TRIO: variants seen among roughly 807,000 people sequenced by gnomAD.
TRIO encodes triple functional domain protein.
TRIO carries 58 observed loss-of-function variants against 351.9 expected under a neutral mutation model. The observed-to-expected ratio is 0.16, with a 90% CI of 0.13 to 0.21. TRIO has a LOEUF of 0.21. TRIO is among the 10% of genes least tolerant of loss of function. The probability of loss-of-function intolerance (pLI) is 1.00; values close to 1 mark genes in which losing one functional copy is unlikely to be tolerated. For missense variants in TRIO, 3,201 were observed against 4,027.8 expected, an observed-to-expected ratio of 0.79 and a Z score of 5.56; for synonymous variants, 1,758 against 1,595.7, an observed-to-expected ratio of 1.10 and a Z score of -2.42.
intron 6 of TRIO, among the ~76,000 whole-genome samples, chr5:14,296,315 C>T (rs62346588): frequency 0.056 from 8,504 of 152,182 alleles, 271 homozygotes; most frequent in African/African-American, 0.08. Flanking sequence ...GTCTGAATCC[C>T]GCACCACACC....
At chr5:14,199,494 C>T (rs1790977683) in intron 1 of TRIO, among the ~76,000 whole-genome samples, 1 of 152,166 alleles carries the variant, frequency 6.6e-6, no homozygotes, top group Non-Finnish European at 1.5e-5. Flanking sequence ...GATGTGCTGC[C>T]TTCAAACAGT....
intron 2 of TRIO, among the ~76,000 whole-genome samples, chr5:14,279,310 T>A (rs1735791768): frequency 6.6e-6 from 1 of 152,232 alleles, no homozygotes; most frequent in Non-Finnish European, 1.5e-5. Context: ...TACCATCATC[T>A]TCTGCTGTAT....
In TRIO at chr5:14,482,762, A is replaced by T; in HGVS notation, c.6646A>T (p.Asn2216Tyr). ...CTCCATGCCGGGATTCCTGTTTAAG[A>T]ACAGTATCAAGGTAACGTGTGTCTC... ...GFSMPGFLFK[N>Y]SIKVSCLCLE... Residue 2216 changes from asparagine (N) to tyrosine (Y), a missense_variant, in exon 46 of 57, where the codon AAC (asparagine) becomes TAC (tyrosine). Physicochemically the swap from Asn to Tyr is moderately radical, Grantham distance 143 (BLOSUM62 -2). Around this residue, in one of 19 missense-constraint regions of TRIO, gnomAD observed 1,089 missense variants for 954.9 expected, o/e 1.14. Transcript: ENST00000344204. 6.3e-7 allele frequency: 1 copy of T among 1,599,464 alleles called. No individual in the cohort carries two copies. The highest frequency in any genetic ancestry group is 8.5e-7 in the Non-Finnish European group (1 of 1,171,204).
intron 1 of TRIO, among the ~76,000 whole-genome samples, chr5:14,213,371 A>G (rs1180306740): frequency 6.7e-6 from 1 of 149,590 alleles, no homozygotes; most frequent in Non-Finnish European, 1.5e-5. Context: ...TTTATAATAT[A>G]TGCACTATAT....
At chr5:14,489,231 T>G in intron 48 of TRIO, 1 of 549,286 alleles carries the variant, frequency 1.8e-6, no homozygotes, top group Non-Finnish European at 3.2e-6. Context: ...CTTAATTGGT[T>G]TGACTTGGTC....
At chr5:14,380,630 G>T (rs1247627972) in intron 20 of TRIO, among the ~76,000 whole-genome samples, 1 of 152,014 alleles carries the variant, frequency 6.6e-6, no homozygotes, top group Non-Finnish European at 1.5e-5. Context: ...TTTTTTGTGG[G>T]AGTGTAAATT....
At chr5:14,504,658 TC>T in intron 55 of TRIO, 65 bp downstream of exon 55, 1 of 1,548,334 alleles carries the variant, frequency 6.5e-7, no homozygotes, top group South Asian at 1.2e-5. Flanking sequence ...GTTTTGTTGT[TC>T]CTGTTTGTTC....
chr5:14,485,799 A>G (rs1222636753), intron 47 of TRIO, among the ~76,000 whole-genome samples: 1 of 152,182 alleles, frequency 6.6e-6, no homozygotes, highest in African/African-American at 2.4e-5. Flanking sequence ...CAGCCTGACC[A>G]ACATGGAGAA....
At chr5:14,319,983 C>G (rs58383010) in intron 9 of TRIO, among the ~76,000 whole-genome samples, 22,358 of 152,110 alleles carry the variant, frequency 0.15, 3,448 homozygotes, top group African/African-American at 0.4. Context: ...AGCACACTTA[C>G]CGTGCTTCCA....
At chr5:14,476,776 A>T in intron 40 of TRIO, 118 bp from the exon 41 acceptor site, 1 of 807,160 alleles carries the variant, frequency 1.2e-6, no homozygotes, top group Non-Finnish European at 1.9e-6. Context: ...CCTAGGTGAT[A>T]GAGTGACACT....
intron 34 of TRIO, among the ~76,000 whole-genome samples, chr5:14,446,957 G>C (rs1025845368): frequency 6.6e-6 from 1 of 152,204 alleles, no homozygotes; most frequent in Non-Finnish European, 1.5e-5. Context: ...GTGGCTGGGC[G>C]TGGTGGCTCA....
intron 1 of TRIO, among the ~76,000 whole-genome samples, chr5:14,206,901 T>A (rs1467250950): frequency 6.6e-6 from 1 of 152,224 alleles, no homozygotes; most frequent in African/African-American, 2.4e-5. Flanking sequence ...ATGTTACATA[T>A]GTTTAAAAGG....
At chr5:14,335,864 C>G (rs905744563) in intron 10 of TRIO, among the ~76,000 whole-genome samples, 1 of 152,044 alleles carries the variant, frequency 6.6e-6, no homozygotes, top group Admixed American at 6.6e-5. Flanking sequence ...ACTTGGAAGG[C>G]TAAGGTGGGA....
Position 14,286,958 on chromosome 5 carries a change from G to T in TRIO, c.435G>T (p.Leu145=). The T allele has an allele frequency of 1.2e-6, 2 of 1,614,178 alleles. No homozygotes were observed. Among genetic ancestry groups the T allele is most frequent in the South Asian group, 1.1e-5 (1 of 91,082 alleles). ...CCATCAAGCCCCTTCTGAAGATCCT[G>T]CAGGAGTCCTTCCCCTGCTGCATCC... The part of the protein sequence containing the change: ...WDSIKPLLKI[L]QESFPCCIHV... Residue 145 remains leucine (L), a synonymous_variant, in exon 4 of 57, where the codon CTG becomes CTT. Coordinates refer to ENST00000344204, the MANE Select transcript of TRIO (RefSeq NM_007118.4). The surrounding 1 kb of genome is among the most constrained non-coding windows in gnomAD (Gnocchi z 4.4).
intron 1 of TRIO, among the ~76,000 whole-genome samples, chr5:14,149,725 G>A (rs1034582013): frequency 3.9e-5 from 6 of 151,980 alleles, no homozygotes; most frequent in Non-Finnish European, 2.9e-5. Flanking sequence ...ACTCTTGTCT[G>A]ATGGGGGAGG....
At chr5:14,171,845 G>A (rs1388627788) in intron 1 of TRIO, among the ~76,000 whole-genome samples, 1 of 152,182 alleles carries the variant, frequency 6.6e-6, no homozygotes, top group Admixed American at 6.5e-5. Context: ...GCCAGTTTGG[G>A]TTGTGAAATA....
chr5:14,324,068 C>T (rs1350258776), intron 9 of TRIO, among the ~76,000 whole-genome samples: 2 of 152,160 alleles, frequency 1.3e-5, no homozygotes, highest in East Asian at 1.9e-4. Context: ...GTAATATGTT[C>T]ATTTCTCTAT....
chr5:14,419,709 C>T (rs1749953196), intron 33 of TRIO, 69 bp from the exon 34 acceptor site: 6 of 1,579,470 alleles, frequency 3.8e-6, no homozygotes, highest in Admixed American at 1.7e-5. Flanking sequence ...TGGAGGACTT[C>T]CCAGCTGTAC....
chr5:14,480,573 G>A (rs908703557), intron 43 of TRIO, among the ~76,000 whole-genome samples: 1 of 152,142 alleles, frequency 6.6e-6, no homozygotes, highest in African/African-American at 2.4e-5. Context: ...AAGCATAACC[G>A]AAGGCAGAGT....
Sources: allele counts gnomAD v4.1 joint callset (sites outside exome capture counted in the v4.1 genomes callset), GRCh38; gene constraint gnomAD v4.1.1; regional missense constraint gnomAD v4.1.1; non-coding constraint Gnocchi (gnomAD v3.1); transcripts MANE v1.5; gene names NCBI Gene and HGNC (gene_info 2026-07-23, HGNC 2026-07-21).